The following AMZ1 variants were observed in gnomAD, a reference collection of about 807,000 sequenced individuals.
The protein encoded by AMZ1 is archaemetzincin-1.
A neutral mutation model predicts 29.9 loss-of-function variants in AMZ1; 39 were observed. That is an observed-to-expected ratio of 1.30 (90% CI 1.01 to 1.70). The LOEUF (loss-of-function observed/expected upper bound fraction) is 1.70, where lower values mean the gene tolerates loss of function less well. AMZ1 is among the 40% of genes most tolerant of loss of function. The pLI is 0.00. For missense variants in AMZ1, 1,041 were observed against 680.6 expected (o/e 1.53, Z -5.89); for synonymous variants, 458 against 304.0 (o/e 1.51, Z -5.27).
intron 6 of AMZ1, among the ~76,000 whole-genome samples, chr7:2,710,556 G>T (rs1788708997): frequency 6.6e-6 from 1 of 152,156 alleles, no homozygotes; most frequent in Non-Finnish European, 1.5e-5. Flanking sequence ...CCCCTGCAGG[G>T]CCTAGCTGGG....
At position 2,718,163 on chromosome 7, in the gene AMZ1, G is replaced by T. The variant is rs969138632; in HGVS notation, c.*5285G>T. 6.6e-6 allele frequency among the ~76,000 whole-genome samples: 1 copy of T among 152,172 alleles called. No individual in the cohort carries two copies. The highest frequency in any genetic ancestry group is 1.5e-5 in the Non-Finnish European group (1 of 68,028). ...ATGCCTGCTCCCTGGGCTTTTTAAT[G>T]AACGCACTTCTGTCACATGGAAACT... On this transcript the variant is annotated 3_prime_UTR_variant, in exon 7 of 7. Coordinates refer to ENST00000683327, the MANE Select transcript of AMZ1 (RefSeq NM_001384743.1).
intron 4 of AMZ1, among the ~76,000 whole-genome samples, chr7:2,742,653 T>A (rs1790567844): frequency 6.6e-6 from 1 of 152,216 alleles, no homozygotes; most frequent in African/African-American, 2.4e-5. Context: ...CTACCCTCCC[T>A]GTCCCCGCAA....
chr7:2,688,752 C>G (rs1787205279), intron 1 of AMZ1, among the ~76,000 whole-genome samples: 2 of 152,174 alleles, frequency 1.3e-5, no homozygotes, highest in Admixed American at 6.5e-5. Flanking sequence ...GTGCCCAGGG[C>G]TCCCCGCAGC....
intron 1 of AMZ1, among the ~76,000 whole-genome samples, chr7:2,682,902 C>G (rs946444590): frequency 6.6e-6 from 1 of 152,216 alleles, no homozygotes; most frequent in Non-Finnish European, 1.5e-5. Flanking sequence ...CCATCTCTGC[C>G]GTTGACCCGG....
chr7:2,692,447 C>T (rs1787457452), intron 1 of AMZ1, among the ~76,000 whole-genome samples: 1 of 152,140 alleles, frequency 6.6e-6, no homozygotes, highest in African/African-American at 2.4e-5. Flanking sequence ...GAGGCTGAGG[C>T]AGGAGAATCG....
At chr7:2,695,262 G>T (rs1038950834) in intron 1 of AMZ1, among the ~76,000 whole-genome samples, 3 of 152,174 alleles carry the variant, frequency 2.0e-5, no homozygotes, top group African/African-American at 4.8e-5. Context: ...GAACCTGCCA[G>T]GACTGCCCTG....
rs1301552923 is a variant in AMZ1 at position 2,712,731 on chromosome 7, C to G, written c.1350C>G (p.Thr450=). 5.0e-6 allele frequency: 8 copies of G among 1,606,938 alleles called. No homozygotes were observed. The highest frequency in any genetic ancestry group is 2.2e-5 in the East Asian group (1 of 44,820). ...TGTTCACGGGCCAGCTCCCGGCCACCAGGCAGGACCCACCCAGCAGCAGGG... is the reference window on the plus strand; with the variant it reads ...TGTTCACGGGCCAGCTCCCGGCCACGAGGCAGGACCCACCCAGCAGCAGGG... ...WEMFTGQLPA[T]RQDPPSSRDS... is the part of the protein sequence containing the mutation. The change falls in exon 7 of 7, where the codon ACC becomes ACG. Residue 450 remains threonine (T), a synonymous_variant. Coordinates refer to ENST00000683327, the MANE Select transcript of AMZ1 (RefSeq NM_001384743.1).
chr7:2,745,202 C>T lies in AMZ1; in HGVS notation n.551-19510C>T, dbSNP rs1790708148. On this transcript the variant is annotated intron_variant and non_coding_transcript_variant, in intron 4 of 4. Coordinates refer to the AMZ1 transcript ENST00000489665. ...AGATACTCCTTGAGAAAGGCAACTC[C>T]AAGACACATAATTGTCAGATTCACC... Among the ~76,000 whole-genome samples, 3 of 152,102 alleles carry T rather than the reference C, an allele frequency of 2.0e-5. No homozygotes were observed. The South Asian group carries it at 6.2e-4, about 31-fold the overall frequency.
In AMZ1 at chr7:2,714,797, G is replaced by A. The variant is rs1789023896; in HGVS notation, c.*1919G>A. The stretch of plus-strand genomic sequence containing the variant: ...CTGCCCACGTGAGACTCTCCATGGA[G>A]GAGGGGCATCTTCTTAGGAAGGCAG... On this transcript the variant is annotated 3_prime_UTR_variant, in exon 7 of 7. Transcript: ENST00000683327. 2.0e-5 allele frequency: 3 copies of A among 152,300 alleles called. No homozygotes were observed. The highest frequency in any genetic ancestry group is 2.0e-4 in the Admixed American group (3 of 15,284). 9.4% of individuals were successfully genotyped at this position (152,300 alleles called of 1,614,324 possible).
chr7:2,687,249 C>T (rs562403863), upstream of AMZ1, among the ~76,000 whole-genome samples: 1 of 151,996 alleles, frequency 6.6e-6, no homozygotes, highest in Non-Finnish European at 1.5e-5. Flanking sequence ...ATGACTTGAA[C>T]CCCGGAGGTG....
At chr7:2,732,475 G>C (rs988853722) in intron 4 of AMZ1, among the ~76,000 whole-genome samples, 1 of 152,176 alleles carries the variant, frequency 6.6e-6, no homozygotes, top group African/African-American at 2.4e-5. Context: ...GAACCTAGGA[G>C]GTTGAGGCTA....
At chr7:2,764,244 C>A (rs950455770), upstream of AMZ1, among the ~76,000 whole-genome samples, 2 of 139,340 alleles carry the variant, frequency 1.4e-5, no homozygotes, top group African/African-American at 5.4e-5. Flanking sequence ...CAGCTAATTT[C>A]TTTTTTTTTT....
At chr7:2,723,001 A>G (rs1027513397), downstream of AMZ1, among the ~76,000 whole-genome samples, 2 of 152,100 alleles carry the variant, frequency 1.3e-5, no homozygotes, top group Admixed American at 6.6e-5. Context: ...AAGTAAAATA[A>G]AATAAAACAA....
rs1364094040 is a variant in AMZ1, at chr7:2,713,831, G to A, written c.*953G>A. On this transcript the variant is annotated 3_prime_UTR_variant, in exon 7 of 7. Coordinates refer to ENST00000683327, the MANE Select transcript of AMZ1 (RefSeq NM_001384743.1). ...CGTGGGGAAGATCAACTGTGGTGAT[G>A]TTTTTGGGACAGTTTCTTGGCAAAG... is the stretch of plus-strand genomic sequence containing the variant. The A allele has an allele frequency of 1.3e-5, 2 of 152,340 alleles. No homozygotes were observed. The highest frequency in any genetic ancestry group is 2.4e-5 in the African/African-American group (1 of 41,460). 9.4% of individuals were successfully genotyped at this position (152,340 alleles called of 1,614,324 possible). A position where few individuals can be genotyped will look rare whatever the true frequency, so the allele number is the denominator to read the frequency against.
rs138847183 is a variant in AMZ1 at position 2,707,576 on chromosome 7, C to T, written c.473-1012C>T. On this transcript the variant is annotated intron_variant, in intron 3 of 6. Transcript: ENST00000683327. ...TCCGGGGAACCATGCTAACAAGTTA[C>T]ACAACTTGCTAGCTTGGATGACCCA... Among the ~76,000 whole-genome samples, 635 of 152,174 alleles carry T rather than the reference C, an allele frequency of 4.2e-3. 4 individuals are homozygous for T. Among genetic ancestry groups the T allele is most frequent in the African/African-American group, 0.014 (602 of 41,546 alleles).
chr7:2,762,329 A>G (rs1005985408), upstream of AMZ1: 40 of 335,924 alleles, frequency 1.2e-4, no homozygotes, highest in African/African-American at 8.1e-4. Context: ...GCGCTGCGCG[A>G]CTGCTGCTGG....
intron 3 of AMZ1, among the ~76,000 whole-genome samples, chr7:2,706,620 A>G (rs1045175320): frequency 6.6e-6 from 1 of 152,142 alleles, no homozygotes; most frequent in Non-Finnish European, 1.5e-5. Context: ...CACAACTCCA[A>G]CCTCAGCCTT....
At position 2,702,889 on chromosome 7, in the gene AMZ1, G is replaced by A; in HGVS notation, c.472G>A (p.Asp158Asn). The A allele has an allele frequency of 6.3e-7, 1 of 1,583,330 alleles. No individual in the cohort carries two copies. Among genetic ancestry groups the A allele is most frequent in the Non-Finnish European group, 8.5e-7 (1 of 1,171,352 alleles). Residue 158 changes from aspartate (D) to asparagine (N), a missense_variant and splice_region_variant, in exon 3 of 7, where the codon GAC becomes AAC. Transcript: ENST00000683327. ...RDSDRLQLHT[D>N]GILSFLKNNK... is the part of the protein sequence containing the mutation. The stretch of plus-strand genomic sequence containing the variant: ...CTCTGACAGGCTCCAGCTCCACACA[G>A]GTGAGTGAGGACGGCAGCCGCCGCT...
At chr7:2,690,240 A>G (rs1003104664) in intron 1 of AMZ1, among the ~76,000 whole-genome samples, 1 of 152,076 alleles carries the variant, frequency 6.6e-6, no homozygotes, top group African/African-American at 2.4e-5. Flanking sequence ...AGACAGACAG[A>G]CAGGGTCTTG....
Sources: gnomAD v4.1 joint callset for allele counts (sites outside exome capture counted in the v4.1 genomes callset) on GRCh38, gnomAD v4.1.1 for gene constraint, MANE v1.5 for transcripts, NCBI Gene and HGNC (gene_info 2026-07-23, HGNC 2026-07-21) for gene names.